Variants in CPXM2 observed in about 807,000 individuals in gnomAD.
CPXM2 encodes inactive carboxypeptidase-like protein X2.
In CPXM2, 66 loss-of-function variants were observed where a neutral mutation model predicts 86.1. The observed-to-expected ratio is 0.77, with a 90% CI of 0.63 to 0.94. The LOEUF (loss-of-function observed/expected upper bound fraction) is 0.94, where lower values mean the gene tolerates loss of function less well. Among genes scored for constraint, CPXM2 ranks in the 40% least tolerant of loss-of-function variants. The pLI is 0.00. For synonymous variants in CPXM2, 388 were observed against 400.2 expected (o/e 0.97, Z 0.36); for missense variants, 948 against 1,026.3 (o/e 0.92, Z 1.04).
intron 10 of CPXM2, 75 bp downstream of exon 10, chr10:123,766,898 C>T (rs544642229): frequency 8.4e-7 from 1 of 1,192,382 alleles, no homozygotes; most frequent in East Asian, 2.4e-5. Flanking sequence ...CTTAAATGTG[C>T]TATCCTCTGC....
intron 6 of CPXM2, among the ~76,000 whole-genome samples, chr10:123,794,714 TTTA>T (rs1367014546): frequency 6.6e-6 from 1 of 151,464 alleles, no homozygotes; most frequent in Non-Finnish European, 1.5e-5. Context: ...TCAAATCATT[TTTA>T]TTTATTTATT....
At chr10:123,916,661 T>G (rs561357469) in intron 2 of CPXM2, among the ~76,000 whole-genome samples, 1 of 152,348 alleles carries the variant, frequency 6.6e-6, no homozygotes, top group Non-Finnish European at 1.5e-5. Context: ...GCTCAGAACC[T>G]GGCAAACATC....
chr10:123,894,414 A>C (rs1945317421), upstream of CPXM2, among the ~76,000 whole-genome samples: 1 of 152,164 alleles, frequency 6.6e-6, no homozygotes, highest in Non-Finnish European at 1.5e-5. Context: ...ACACATAATT[A>C]AAGCAAGTAG....
At chr10:123,887,821 C>A (rs1377301987) in intron 1 of CPXM2, among the ~76,000 whole-genome samples, 5 of 152,162 alleles carry the variant, frequency 3.3e-5, no homozygotes, top group Non-Finnish European at 5.9e-5. Context: ...GGGGAGCTGA[C>A]AAAGCGTACA....
Position 123,865,094 on chromosome 10 carries a change from C to T in CPXM2, c.404-2371G>A, listed in dbSNP as rs754770385. Among the ~76,000 whole-genome samples, 3 of 152,204 alleles carry T rather than the reference C, an allele frequency of 2.0e-5. No homozygotes were observed. The highest frequency in any genetic ancestry group is 4.4e-5 in the Non-Finnish European group (3 of 68,026). On this transcript the variant is annotated intron_variant, in intron 2 of 13. Coordinates refer to ENST00000241305, the MANE Select transcript of CPXM2 (RefSeq NM_198148.3). The surrounding 1 kb of genome is among the most constrained non-coding windows in gnomAD (Gnocchi z 4.7). ...GGTGTCACGGCAAAGCCAGAAACTT[C>T]ACCCCCTCCACCCACAGCACAGATG... is the stretch of plus-strand genomic sequence containing the variant.
At chr10:123,822,534 G>T (rs150988569) in intron 4 of CPXM2, among the ~76,000 whole-genome samples, 40 of 152,098 alleles carry the variant, frequency 2.6e-4, no homozygotes, top group African/African-American at 8.2e-4. Flanking sequence ...TAAATCGGGG[G>T]TGAGGGCTAG....
At chr10:123,901,753 G>A (rs1945383546) in intron 2 of CPXM2, among the ~76,000 whole-genome samples, 1 of 152,004 alleles carries the variant, frequency 6.6e-6, no homozygotes, top group Non-Finnish European at 1.5e-5. Context: ...GTTTAACTTC[G>A]GGACTTTCAC....
chr10:123,812,914 C>T (rs978039530), intron 4 of CPXM2, among the ~76,000 whole-genome samples: 1 of 152,102 alleles, frequency 6.6e-6, no homozygotes, highest in Non-Finnish European at 1.5e-5. Context: ...TGTTCTAGCC[C>T]TTTAGTTGCA....
chr10:123,894,375 ATGCT>A (rs1340893580), upstream of CPXM2, among the ~76,000 whole-genome samples: 1 of 152,196 alleles, frequency 6.6e-6, no homozygotes, highest in Non-Finnish European at 1.5e-5. Flanking sequence ...CTCCCTATCA[ATGCT>A]TGCTTGTTTG....
At chr10:123,809,479 T>C (rs748845106) in intron 4 of CPXM2, among the ~76,000 whole-genome samples, 1 of 152,100 alleles carries the variant, frequency 6.6e-6, no homozygotes, top group Non-Finnish European at 1.5e-5. Flanking sequence ...GAAAAGGCAG[T>C]AATTTGTGTT....
intron 4 of CPXM2, among the ~76,000 whole-genome samples, chr10:123,803,102 T>C (rs1430651668): frequency 6.8e-6 from 1 of 147,668 alleles, no homozygotes; most frequent in Non-Finnish European, 1.5e-5. Context: ...TTCCTTTTCA[T>C]CCTCTTTGTA....
At chr10:123,888,515 A>G (rs1021669097) in intron 1 of CPXM2, among the ~76,000 whole-genome samples, 2 of 152,178 alleles carry the variant, frequency 1.3e-5, no homozygotes, top group Admixed American at 6.5e-5. Context: ...AAACAATCCA[A>G]TGCAGAGATA....
At position 123,833,855 on chromosome 10, in the gene CPXM2, G is replaced by A. The variant is rs1032087275; in HGVS notation, c.653+8494C>T. Among the ~76,000 whole-genome samples, 5 of 152,334 alleles carry A rather than the reference G, an allele frequency of 3.3e-5. No homozygotes were observed. In the East Asian group the frequency reaches 7.7e-4, roughly 24 times the overall value. On this transcript the variant is annotated intron_variant, in intron 4 of 13. Coordinates refer to ENST00000241305, the MANE Select transcript of CPXM2 (RefSeq NM_198148.3). Reference sequence around the variant, plus strand: ...AATGGGGTAGGGGCAGTGCTGGCACGAGAATAGGACCCTCTACGAAAGGGA... The same window carrying A: ...AATGGGGTAGGGGCAGTGCTGGCACAAGAATAGGACCCTCTACGAAAGGGA...
intron 4 of CPXM2, among the ~76,000 whole-genome samples, chr10:123,831,243 G>A (rs567740125): frequency 6.6e-6 from 1 of 152,170 alleles, no homozygotes; most frequent in Non-Finnish European, 1.5e-5. Flanking sequence ...AAGTACCAAG[G>A]TACTGAAAGC....
chr10:123,785,752 C>G (rs1470647035), intron 6 of CPXM2, among the ~76,000 whole-genome samples: 1 of 151,900 alleles, frequency 6.6e-6, no homozygotes, highest in Admixed American at 6.6e-5. Flanking sequence ...CCTGTCTCAG[C>G]CTCCCGAGTA....
chr10:123,766,598 G>A (rs1219737), intron 10 of CPXM2, among the ~76,000 whole-genome samples: 152,360 of 152,360 alleles, frequency 1, 76,180 homozygotes, highest in Non-Finnish European at 1. Flanking sequence ...AACCCAAGGG[G>A]ATGTACTAAA....
At chr10:123,862,827 C>G in intron 2 of CPXM2, 104 bp from the exon 3 acceptor site, 1 of 908,808 alleles carries the variant, frequency 1.1e-6, no homozygotes, top group African/African-American at 1.6e-5. Flanking sequence ...CCCCTGAACT[C>G]CCACCCACAG....
At chr10:123,835,297 T>C (rs1386727688) in intron 4 of CPXM2, among the ~76,000 whole-genome samples, 1 of 152,074 alleles carries the variant, frequency 6.6e-6, no homozygotes, top group African/African-American at 2.4e-5. Flanking sequence ...GGGTGGAAGC[T>C]TCCAACCTAG....
In CPXM2 at chr10:123,771,058, C is replaced by A. The variant is rs1564760700; in HGVS notation, c.979-19G>T. The A allele has an allele frequency of 1.2e-6, 2 of 1,609,666 alleles. No homozygotes were observed. The highest frequency in any genetic ancestry group is 1.7e-6 in the Non-Finnish European group (2 of 1,177,720). On this transcript the variant is annotated intron_variant, in intron 7 of 13. Coordinates refer to ENST00000241305, the MANE Select transcript of CPXM2 (RefSeq NM_198148.3). ...TCATCAACTGAAAAACAAGGTGAATCAAAAACTCTAAGCATTGATGACGAT... is the reference window on the plus strand; with the variant it reads ...TCATCAACTGAAAAACAAGGTGAATAAAAAACTCTAAGCATTGATGACGAT...
Sources: gnomAD v4.1 joint callset for allele counts (sites outside exome capture counted in the v4.1 genomes callset) on GRCh38, gnomAD v4.1.1 for gene constraint, Gnocchi (gnomAD v3.1) non-coding constraint, MANE v1.5 for transcripts, NCBI Gene and HGNC (gene_info 2026-07-23, HGNC 2026-07-21) for gene names.